PDLIM3: variants seen among roughly 807,000 people sequenced by gnomAD.
PDLIM3 encodes the protein PDZ and LIM domain protein 3.
A neutral mutation model predicts 37.3 loss-of-function variants in PDLIM3; 36 were observed. The ratio of observed to expected loss-of-function variants is 0.97; its 90% confidence interval spans 0.74 to 1.28. The LOEUF (loss-of-function observed/expected upper bound fraction) is 1.28, where lower values mean the gene tolerates loss of function less well. Ranked by LOEUF, PDLIM3 falls within the 50% of genes most tolerant of loss-of-function variation. PDLIM3 has a pLI of 0.00. For missense variants in PDLIM3, 454 were observed against 485.0 expected (o/e 0.94, Z 0.60); for synonymous variants, 174 against 182.4 (o/e 0.95, Z 0.37).
intron 3 of PDLIM3, chr4:185,516,705 A>G (rs4605697): frequency 0.7 from 105,989 of 152,190 alleles, 41,466 homozygotes; most frequent in Non-Finnish European, 0.87. Context: ...GCAATGGGGT[A>G]CAGCTTCAAA....
At position 185,514,409 on chromosome 4, in the gene PDLIM3, A is replaced by G. The variant is rs535030756; in HGVS notation, c.331-72T>C. The G allele has an allele frequency of 1.5e-4, 249 of 1,613,816 alleles. 1 individual carries two copies. Among genetic ancestry groups the G allele is most frequent in the Middle Eastern group, 1.3e-3 (8 of 6,062 alleles). On this transcript the variant is annotated intron_variant, in intron 3 of 7. Coordinates refer to ENST00000284767, the MANE Select transcript of PDLIM3 (RefSeq NM_014476.6). The surrounding 1 kb of genome is among the most constrained non-coding windows in gnomAD (Gnocchi z 4.0). Reference sequence around the variant, plus strand: ...TGTTGCAGATAAGATTAAACGAACGATAGTTGTACAGGGAGGATCATTTAC... The same window carrying G: ...TGTTGCAGATAAGATTAAACGAACGGTAGTTGTACAGGGAGGATCATTTAC...
In PDLIM3 at chr4:185,520,804, T is replaced by C. The variant is rs561518862; in HGVS notation, c.330+2558A>G. Reference sequence around the variant, plus strand: ...GGATGCAACCATGATGAAGGATCACTGGGGATTTGGTACTTCGGTCAGATC... The same window carrying C: ...GGATGCAACCATGATGAAGGATCACCGGGGATTTGGTACTTCGGTCAGATC... On this transcript the variant is annotated intron_variant, in intron 3 of 7. Coordinates refer to ENST00000284767, the MANE Select transcript of PDLIM3 (RefSeq NM_014476.6). Among the ~76,000 whole-genome samples the C allele has an allele frequency of 3.7e-4, 24 of 65,628 alleles. 7 individuals are homozygous for C. The highest frequency in any genetic ancestry group is 6.6e-4 in the African/African-American group (24 of 36,122). 43.1% of individuals were successfully genotyped at this position (65,628 alleles called of 152,430 possible).
chr4:185,531,015 C>T (rs189415473), intron 1 of PDLIM3, among the ~76,000 whole-genome samples: 3,940 of 147,154 alleles, frequency 0.027, 178 homozygotes, highest in African/African-American at 0.094. Flanking sequence ...CACACACACA[C>T]GTATATATAT....
rs572218050 is a variant in PDLIM3 at position 185,529,377 on chromosome 4, T to C, written c.94-4206A>G. On this transcript the variant is annotated intron_variant, in intron 1 of 7. Transcript: ENST00000284767. ...AAGCATCTATAATGTCCTATTTATG[T>C]GGAGACGTAAGGCAAGCCCAAGACA... Among the ~76,000 whole-genome samples the C allele has an allele frequency of 1.6e-3, 245 of 152,320 alleles. 1 individual carries two copies. The highest frequency in any genetic ancestry group is 6.8e-3 in the Middle Eastern group (2 of 294).
Position 185,514,754 on chromosome 4 carries a change from T to G in PDLIM3, c.331-417A>C. The G allele has an allele frequency of 4.5e-6, 7 of 1,552,134 alleles. No homozygotes were observed. The highest frequency in any genetic ancestry group is 6.1e-6 in the Non-Finnish European group (7 of 1,147,082). The stretch of plus-strand genomic sequence containing the variant: ...CCGCAGCTGTCCGTGAAGCGCATCT[T>G]GTATATTGCTAGTTGAATAGAGCCC... On this transcript the variant is annotated intron_variant, in intron 3 of 7. Coordinates refer to ENST00000284767, the MANE Select transcript of PDLIM3 (RefSeq NM_014476.6). The surrounding 1 kb of genome is among the most constrained non-coding windows in gnomAD (Gnocchi z 4.0).
Position 185,506,596 on chromosome 4 carries a change from T to C in PDLIM3, c.719A>G (p.Asn240Ser), listed in dbSNP as rs2095697763. 1 of 1,612,154 alleles carries C rather than the reference T, an allele frequency of 6.2e-7. No homozygotes were observed. The highest frequency in any genetic ancestry group is 8.5e-7 in the Non-Finnish European group (1 of 1,179,984). The change falls in exon 6 of 8, where the codon AAT (asparagine) becomes AGT (serine). Residue 240 changes from asparagine (N) to serine (S), a missense_variant. Asn to Ser is a conservative substitution (Grantham distance 46). Transcript: ENST00000284767. Reference protein sequence around the residue: ...ESDVYRMLHDNRNEPTQPRQS... With the variant: ...ESDVYRMLHDSRNEPTQPRQS... ...GCGAGGCTGTGTGGGCTCATTCCGA[T>C]TGTCGTGGAGCATCCGGTACACGTC... is the stretch of plus-strand genomic sequence containing the variant.
In PDLIM3 at chr4:185,514,980, G is replaced by A. The variant is rs2095712733; in HGVS notation, c.331-643C>T. 1 of 1,025,982 alleles carries A rather than the reference G, an allele frequency of 9.7e-7. No homozygotes were observed. Among genetic ancestry groups the A allele is most frequent in the South Asian group, 1.9e-5 (1 of 53,936 alleles). The allele number at this position is 1,025,982 out of a possible 1,614,324, so 63.6% of individuals were successfully genotyped here. ...CAACAGCATCACTACTGTTAATAAA[G>A]GCATCTTTACCCACGACGAGATTGA... On this transcript the variant is annotated intron_variant, in intron 3 of 7. Transcript: ENST00000284767. The surrounding 1 kb of genome is among the most constrained non-coding windows in gnomAD (Gnocchi z 4.0).
intron 4 of PDLIM3, among the ~76,000 whole-genome samples, chr4:185,509,525 GGTCA>G (rs2095703346): frequency 6.6e-6 from 1 of 151,910 alleles, no homozygotes; most frequent in Non-Finnish European, 1.5e-5. Context: ...ACTGGATAGG[GGTCA>G]GTTAACAACT....
intron 3 of PDLIM3, chr4:185,515,073 T>TA: frequency 2.1e-6 from 1 of 472,680 alleles, no homozygotes; most frequent in Non-Finnish European, 3.7e-6. Flanking sequence ...ACATGTGCTA[T>TA]ATTCACCGAT....
In PDLIM3 at chr4:185,514,252, A is replaced by T. The variant is rs1057520940; in HGVS notation, c.398+18T>A. ...AAGAAGCATGCACTGCAAACTCCAC[A>T]GTCTCAGCGCTTATGACCTGCTTCG... On this transcript the variant is annotated intron_variant, in intron 4 of 7. Transcript: ENST00000284767. The surrounding 1 kb of genome is among the most constrained non-coding windows in gnomAD (Gnocchi z 4.0). 2.5e-6 allele frequency: 4 copies of T among 1,614,260 alleles called. No individual in the cohort carries two copies. Among genetic ancestry groups the T allele is most frequent in the Non-Finnish European group, 3.4e-6 (4 of 1,180,044 alleles).
rs780989766 is a variant in PDLIM3, at chr4:185,525,013, G to T, written c.245+7C>A. 1 of 1,613,880 alleles carries T rather than the reference G, an allele frequency of 6.2e-7. No homozygotes were observed. The highest frequency in any genetic ancestry group is 1.1e-5 in the South Asian group (1 of 91,074). On this transcript the variant is annotated splice_region_variant and intron_variant, in intron 2 of 7. Transcript: ENST00000284767. ...ATCAGATTTAAGCACCATTAGTTAA[G>T]AAGCACCTGTCAATTTTGAGACACA... is the stretch of plus-strand genomic sequence containing the variant.
chr4:185,529,531 T>A (rs951770599), intron 1 of PDLIM3, among the ~76,000 whole-genome samples: 1 of 152,164 alleles, frequency 6.6e-6, no homozygotes, highest in African/African-American at 2.4e-5. Flanking sequence ...TCATTCTCCA[T>A]CCCTAGCAAA....
chr4:185,533,357 ATTC>A (rs1019548585), intron 1 of PDLIM3, among the ~76,000 whole-genome samples: 2 of 152,166 alleles, frequency 1.3e-5, no homozygotes, highest in Non-Finnish European at 2.9e-5. Flanking sequence ...AAATTTCAAT[ATTC>A]TTATCATTTC....
At chr4:185,534,278 G>T (rs564775592) in intron 1 of PDLIM3, among the ~76,000 whole-genome samples, 10 of 152,306 alleles carry the variant, frequency 6.6e-5, no homozygotes, top group Non-Finnish European at 1.5e-4. Context: ...TTCAAAATCT[G>T]TATGAGCAGA....
chr4:185,508,821 A>T lies in PDLIM3; in HGVS notation c.399-259T>A, dbSNP rs572361955. Among the ~76,000 whole-genome samples the T allele has an allele frequency of 2.6e-5, 4 of 152,222 alleles. No homozygotes were observed. In the South Asian group the frequency reaches 8.3e-4, roughly 32 times the overall value. ...ATACTGCATTTTTTGGCTCTGTTTC[A>T]CTAGGCAATGTGTAATTTGAGGGTT... On this transcript the variant is annotated intron_variant, in intron 4 of 7. Transcript: ENST00000284767.
At chr4:185,512,845 T>TGGGGGG in intron 4 of PDLIM3, 10 of 734,178 alleles carry the variant, frequency 1.4e-5, no homozygotes, top group African/African-American at 1.9e-5. Context: ...TGGGTTGGGG[T>TGGGGGG]GGGGAAGCTG....
At chr4:185,518,667 C>A (rs963051368) in intron 3 of PDLIM3, among the ~76,000 whole-genome samples, 1 of 152,200 alleles carries the variant, frequency 6.6e-6, no homozygotes. Context: ...CCCTCATCAT[C>A]CTTTTTTCTC....
chr4:185,503,217 G>A (rs1291019164), intron 7 of PDLIM3, among the ~76,000 whole-genome samples: 2 of 142,092 alleles, frequency 1.4e-5, no homozygotes. Flanking sequence ...GAGCGAGACT[G>A]TCTCAAAAAC....
At chr4:185,510,561 CT>C (rs1471097238) in intron 4 of PDLIM3, among the ~76,000 whole-genome samples, 3 of 152,034 alleles carry the variant, frequency 2.0e-5, no homozygotes, top group Admixed American at 6.5e-5. Context: ...CATGGCAAAT[CT>C]TTTTCTTAAT....
Sources: gnomAD v4.1 joint callset for allele counts (sites outside exome capture counted in the v4.1 genomes callset) on GRCh38, gnomAD v4.1.1 for gene constraint, Gnocchi (gnomAD v3.1) non-coding constraint, MANE v1.5 for transcripts, NCBI Gene and HGNC (gene_info 2026-07-23, HGNC 2026-07-21) for gene names.